The following CCDC167 variants were observed in gnomAD, a reference collection of about 807,000 sequenced individuals.
CCDC167 encodes coiled-coil domain containing 167.
CCDC167 carries 15 observed loss-of-function variants against 12.7 expected under a neutral mutation model. That is an observed-to-expected ratio of 1.18 (90% CI 0.79 to 1.81). CCDC167 has a LOEUF of 1.81. Among genes scored for constraint, CCDC167 ranks in the 40% most tolerant of loss-of-function variants. The pLI, the probability that CCDC167 is intolerant of heterozygous loss-of-function variation, is 0.00. For synonymous variants in CCDC167, 52 were observed against 49.0 expected (o/e 1.06, Z -0.26); for missense variants, 121 against 120.1 (o/e 1.01, Z -0.03).
chr6:37,485,190 T>C lies in CCDC167; in HGVS notation c.47A>G (p.Asp16Gly), dbSNP rs1231406564. The change falls in exon 2 of 4, where the codon GAT becomes GGT. Residue 16 changes from aspartate to glycine, a missense_variant. Coordinates refer to ENST00000373408, the MANE Select transcript of CCDC167 (RefSeq NM_138493.3). ...CTGGGACAGCTTCTCCTCTAGCCCATCGATCTGAAACAAAGGCCACAGAGA... is the reference window on the plus strand; with the variant it reads ...CTGGGACAGCTTCTCCTCTAGCCCACCGATCTGAAACAAAGGCCACAGAGA... The part of the protein sequence containing the change: ...RENLGVALEI[D>G]GLEEKLSQCR... 1.9e-6 allele frequency: 3 copies of C among 1,612,446 alleles called. No homozygotes were observed. The highest frequency in any genetic ancestry group is 2.2e-5 in the East Asian group (1 of 44,886).
intron 1 of CCDC167, among the ~76,000 whole-genome samples, chr6:37,491,318 G>A (rs377141544): frequency 1.3e-4 from 20 of 152,146 alleles, no homozygotes; most frequent in African/African-American, 3.9e-4. Flanking sequence ...CTAGACAGCC[G>A]GGGAGGTGGC....
chr6:37,488,920 G>A (rs1370403137), intron 1 of CCDC167, among the ~76,000 whole-genome samples: 2 of 152,188 alleles, frequency 1.3e-5, no homozygotes, highest in Non-Finnish European at 2.9e-5. Flanking sequence ...GTTAGTCCAT[G>A]GCAAGAGTAA....
intron 1 of CCDC167, among the ~76,000 whole-genome samples, chr6:37,487,547 T>C (rs1486927371): frequency 1.3e-5 from 2 of 152,228 alleles, no homozygotes; most frequent in East Asian, 3.8e-4. Context: ...CTAGGTGAGA[T>C]TTCTCCTTAA....
At chr6:37,488,180 G>A (rs909026741) in intron 1 of CCDC167, among the ~76,000 whole-genome samples, 11 of 152,246 alleles carry the variant, frequency 7.2e-5, no homozygotes, top group African/African-American at 2.2e-4. Flanking sequence ...CTGTCAACAT[G>A]AGTGGAGAGA....
At chr6:37,494,750 C>G (rs1274720871) in intron 1 of CCDC167, among the ~76,000 whole-genome samples, 1 of 151,682 alleles carries the variant, frequency 6.6e-6, no homozygotes, top group Non-Finnish European at 1.5e-5. Context: ...TGCAGAAATA[C>G]CAACTCTGAC....
chr6:37,487,385 A>G (rs1761957183), intron 1 of CCDC167, among the ~76,000 whole-genome samples: 1 of 152,234 alleles, frequency 6.6e-6, no homozygotes. Flanking sequence ...CTGAGGGGCA[A>G]GGACAGACGG....
rs537933517 is a variant in CCDC167 at position 37,488,905 on chromosome 6, A to G, written c.43-3711T>C. Among the ~76,000 whole-genome samples, 179 of 152,302 alleles carry G rather than the reference A, an allele frequency of 1.2e-3. 1 individual carries two copies. Among genetic ancestry groups the G allele is most frequent in the African/African-American group, 4.0e-3 (166 of 41,556 alleles). On this transcript the variant is annotated intron_variant, in intron 1 of 3. Coordinates refer to ENST00000373408, the MANE Select transcript of CCDC167 (RefSeq NM_138493.3). The stretch of plus-strand genomic sequence containing the variant: ...CTAGATCTTTGGAGAATAAAAGAAA[A>G]CCTGGTTAGTCCATGGCAAGAGTAA...
Position 37,496,674 on chromosome 6 carries a change from G to A in CCDC167, c.42+3148C>T, listed in dbSNP as rs919497119. Among the ~76,000 whole-genome samples, 5 of 152,212 alleles carry A rather than the reference G, an allele frequency of 3.3e-5. No homozygotes were observed. In the South Asian group the frequency reaches 6.2e-4, roughly 19 times the overall value. ...TGATTACCAATCCGGTGCCAGGCAC[G>A]TGCTGGGCACTTAACGCAATGTCTC... On this transcript the variant is annotated intron_variant, in intron 1 of 3. Coordinates refer to ENST00000373408, the MANE Select transcript of CCDC167 (RefSeq NM_138493.3).
intron 1 of CCDC167, among the ~76,000 whole-genome samples, chr6:37,489,128 CAGG>C (rs1377677060): frequency 1.3e-5 from 2 of 152,162 alleles, no homozygotes; most frequent in African/African-American, 4.8e-5. Flanking sequence ...CCCAGCTACT[CAGG>C]AGGCTGAGGC....
chr6:37,490,896 A>C (rs1434640369), intron 1 of CCDC167, among the ~76,000 whole-genome samples: 2 of 152,276 alleles, frequency 1.3e-5, no homozygotes, highest in Middle Eastern at 3.4e-3. Context: ...GGAGTTCAGC[A>C]GCCCCCAGGC....
intron 1 of CCDC167, among the ~76,000 whole-genome samples, chr6:37,487,284 C>T (rs1363048906): frequency 1.3e-5 from 2 of 152,202 alleles, no homozygotes; most frequent in Admixed American, 6.5e-5. Context: ...GGAACAGTGA[C>T]CATCTGTCTC....
chr6:37,484,168 G>T (rs897981122), intron 3 of CCDC167, among the ~76,000 whole-genome samples: 1 of 152,208 alleles, frequency 6.6e-6, no homozygotes, highest in Non-Finnish European at 1.5e-5. Context: ...GCTTCTGGGG[G>T]ACTCCTTGCC....
chr6:37,498,187 C>T (rs1010151388), intron 1 of CCDC167, among the ~76,000 whole-genome samples: 2 of 152,150 alleles, frequency 1.3e-5, no homozygotes, highest in African/African-American at 4.8e-5. Context: ...CCATTTGGCT[C>T]TCTAGAAGAG....
At chr6:37,495,328 G>C (rs772768486) in intron 1 of CCDC167, among the ~76,000 whole-genome samples, 8 of 152,134 alleles carry the variant, frequency 5.3e-5, no homozygotes, top group Non-Finnish European at 1.0e-4. Context: ...GAACAGTCCA[G>C]CTACAAAAGA....
At chr6:37,484,468 G>A (rs1389525304) in intron 3 of CCDC167, among the ~76,000 whole-genome samples, 1 of 151,622 alleles carries the variant, frequency 6.6e-6, no homozygotes, top group African/African-American at 2.4e-5. Flanking sequence ...GTTTTCCTGG[G>A]AGGGTGTGGT....
Position 37,490,144 on chromosome 6 carries a change from G to A in CCDC167, c.43-4950C>T, listed in dbSNP as rs191167723. ...AGAGAGGCGATGGTATGAACCCACT[G>A]TCAGCCAGCACACTGCTTCCTGGCA... On this transcript the variant is annotated intron_variant, in intron 1 of 3. Coordinates refer to ENST00000373408, the MANE Select transcript of CCDC167 (RefSeq NM_138493.3). Among the ~76,000 whole-genome samples the A allele has an allele frequency of 1.7e-3, 257 of 152,334 alleles. 1 individual carries two copies. Among genetic ancestry groups the A allele is most frequent in the Non-Finnish European group, 2.9e-3 (200 of 68,020 alleles).
intron 1 of CCDC167, among the ~76,000 whole-genome samples, chr6:37,496,003 C>T (rs1426064498): frequency 2.0e-5 from 3 of 152,082 alleles, no homozygotes; most frequent in African/African-American, 7.2e-5. Flanking sequence ...GTCAAATCTT[C>T]GAATATCCAA....
chr6:37,494,805 A>AATTTTTTTTT (rs760776521), intron 1 of CCDC167, among the ~76,000 whole-genome samples: 9 of 115,218 alleles, frequency 7.8e-5, no homozygotes, highest in African/African-American at 3.5e-4. Context: ...CTACCTACAA[A>AATTTTTTTTT]TTTTTTTTTT....
chr6:37,485,229 G>A (rs373905507), intron 1 of CCDC167, 35 bp from the exon 2 acceptor site: 37 of 1,524,720 alleles, frequency 2.4e-5, no homozygotes, highest in Non-Finnish European at 3.3e-5. Context: ...GGGCTGCCGA[G>A]GCTTCTAGCT....
Sources: allele counts gnomAD v4.1 joint callset (sites outside exome capture counted in the v4.1 genomes callset), GRCh38; gene constraint gnomAD v4.1.1; transcripts MANE v1.5; gene names NCBI Gene and HGNC (gene_info 2026-07-23, HGNC 2026-07-21).